IGSF21: variants seen among roughly 807,000 people sequenced by gnomAD.
IGSF21 encodes immunoglobulin superfamily member 21.
Under a neutral mutation model 46.8 loss-of-function variants are expected in IGSF21, and 28 were observed. That is an observed-to-expected ratio of 0.60 (90% CI 0.44 to 0.82). The LOEUF is 0.82. Among genes scored for constraint, IGSF21 ranks in the 40% least tolerant of loss-of-function variants. The pLI is 0.00. For missense variants in IGSF21, 624 were observed against 665.5 expected, an observed-to-expected ratio of 0.94 and a Z score of 0.69; for synonymous variants, 284 against 273.6, an observed-to-expected ratio of 1.04 and a Z score of -0.38.
intron 6 of IGSF21, among the ~76,000 whole-genome samples, chr1:18,366,518 C>T (rs12070009): frequency 0.022 from 3,309 of 152,122 alleles, 109 homozygotes; most frequent in African/African-American, 0.074. Context: ...GCATATGAGC[C>T]CAGTGAGCTC....
intron 6 of IGSF21, among the ~76,000 whole-genome samples, chr1:18,366,253 C>G (rs1414103679): frequency 2.0e-5 from 3 of 151,988 alleles, no homozygotes; most frequent in Non-Finnish European, 4.4e-5. Flanking sequence ...AAACTGGAAC[C>G]AGGATGTTTG....
At chr1:18,126,813 C>T (rs371879516) in intron 1 of IGSF21, among the ~76,000 whole-genome samples, 26 of 152,230 alleles carry the variant, frequency 1.7e-4, no homozygotes, top group East Asian at 7.7e-4. Flanking sequence ...TCCCCCCACA[C>T]CCCCTCCAGA....
At chr1:18,154,542 G>A (rs1207935488) in intron 1 of IGSF21, among the ~76,000 whole-genome samples, 3 of 151,758 alleles carry the variant, frequency 2.0e-5, no homozygotes, top group African/African-American at 7.3e-5. Flanking sequence ...GTCCCCAGCT[G>A]CAATGGATCT....
At chr1:18,192,297 G>A (rs1312762771) in intron 1 of IGSF21, among the ~76,000 whole-genome samples, 1 of 152,218 alleles carries the variant, frequency 6.6e-6, no homozygotes, top group Non-Finnish European at 1.5e-5. Context: ...CATGAACACG[G>A]CTCTGGGCCG....
chr1:18,349,442 T>C (rs2085927735), intron 4 of IGSF21, among the ~76,000 whole-genome samples: 2 of 151,946 alleles, frequency 1.3e-5, no homozygotes, highest in African/African-American at 4.8e-5. Flanking sequence ...GAAGGCTTCA[T>C]GGAGGAGGTG....
At chr1:18,151,378 T>C (rs1048394147) in intron 1 of IGSF21, among the ~76,000 whole-genome samples, 1 of 152,246 alleles carries the variant, frequency 6.6e-6, no homozygotes, top group Non-Finnish European at 1.5e-5. Flanking sequence ...CTCTTTCATT[T>C]TGTGCCTCTG....
intron 3 of IGSF21, among the ~76,000 whole-genome samples, chr1:18,303,942 TAG>T (rs2085386551): frequency 6.6e-6 from 1 of 152,206 alleles, no homozygotes; most frequent in African/African-American, 2.4e-5. Flanking sequence ...ATTGTATTCT[TAG>T]AGTGATGAGG....
intron 2 of IGSF21, among the ~76,000 whole-genome samples, chr1:18,243,333 A>T (rs1440471817): frequency 6.6e-6 from 1 of 152,016 alleles, no homozygotes; most frequent in Non-Finnish European, 1.5e-5. Context: ...GAAGCGAAAA[A>T]TCTAGGGCGT....
At chr1:18,183,804 G>A (rs1024767419) in intron 1 of IGSF21, among the ~76,000 whole-genome samples, 2 of 152,124 alleles carry the variant, frequency 1.3e-5, no homozygotes, top group Non-Finnish European at 1.5e-5. Context: ...GTGGCGGGTG[G>A]TGCGGGGGGA....
intron 1 of IGSF21, among the ~76,000 whole-genome samples, chr1:18,186,229 TA>T (rs2086902022): frequency 6.6e-6 from 1 of 152,134 alleles, no homozygotes; most frequent in African/African-American, 2.4e-5. Flanking sequence ...GCAAAGCTCT[TA>T]GGGGGTTGAG....
chr1:18,229,887 C>T (rs1363087494), intron 2 of IGSF21, among the ~76,000 whole-genome samples: 1 of 152,232 alleles, frequency 6.6e-6, no homozygotes, highest in African/African-American at 2.4e-5. Context: ...ATCTCTCCCT[C>T]AGCCATCCCA....
chr1:18,221,563 T>C (rs536175638), intron 1 of IGSF21, among the ~76,000 whole-genome samples: 1 of 152,194 alleles, frequency 6.6e-6, no homozygotes, highest in Non-Finnish European at 1.5e-5. Flanking sequence ...ATTAGAAGGG[T>C]GCCAGGTTCC....
intron 1 of IGSF21, among the ~76,000 whole-genome samples, chr1:18,120,819 G>A (rs1025467435): frequency 5.3e-5 from 8 of 152,122 alleles, no homozygotes; most frequent in East Asian, 3.9e-4. Context: ...CTTGCAAAGC[G>A]GAAGCACTAG....
rs141783201 is a variant in IGSF21, at chr1:18,365,645, C to A, written c.963C>A (p.Cys321Ter). 1.2e-6 allele frequency: 2 copies of A among 1,614,170 alleles called. No homozygotes were observed. The highest frequency in any genetic ancestry group is 1.7e-6 in the Non-Finnish European group (2 of 1,180,022). Reference protein sequence around the residue: ...PQIDNEALFSCEVKHPALSMP... With the variant: ...PQIDNEALFS ...TCGACAACGAGGCCCTCTTCAGCTG[C>A]GAGGTCAAGCACCCAGCTCTGTCGA... Residue 321 changes from cysteine (C) to a stop codon, truncating the protein, a stop_gained, in exon 6 of 10, where the codon TGC becomes TGA. Coordinates refer to ENST00000251296, the MANE Select transcript of IGSF21 (RefSeq NM_032880.5). LOFTEE classifies it high-confidence loss of function. This position sits in a 1 kb window ranked among gnomAD's most constrained non-coding sequence, Gnocchi z 4.8.
chr1:18,161,721 C>T (rs2086625089), intron 1 of IGSF21, among the ~76,000 whole-genome samples: 1 of 152,136 alleles, frequency 6.6e-6, no homozygotes, highest in African/African-American at 2.4e-5. Context: ...AGATGTGCTC[C>T]CAACTTACAC....
At chr1:18,186,820 C>T (rs887589785) in intron 1 of IGSF21, among the ~76,000 whole-genome samples, 1 of 152,158 alleles carries the variant, frequency 6.6e-6, no homozygotes, top group African/African-American at 2.4e-5. Flanking sequence ...GATCTCCCTG[C>T]CCTCACCTAA....
chr1:18,229,710 G>C (rs1461286960), intron 2 of IGSF21, among the ~76,000 whole-genome samples: 1 of 152,210 alleles, frequency 6.6e-6, no homozygotes, highest in Non-Finnish European at 1.5e-5. Context: ...AGTGGGCCTA[G>C]AGAAAGTCAA....
At chr1:18,192,885 C>T (rs191473030) in intron 1 of IGSF21, among the ~76,000 whole-genome samples, 16 of 152,090 alleles carry the variant, frequency 1.1e-4, no homozygotes, top group Non-Finnish European at 2.2e-4. Context: ...CGATTCAATT[C>T]GTTTATTCGA....
At position 18,365,770 on chromosome 1, in the gene IGSF21, C is replaced by T. The variant is rs538154456; in HGVS notation, c.1015+73C>T. 5.4e-4 allele frequency: 706 copies of T among 1,306,336 alleles called. 1 individual carries two copies. The highest frequency in any genetic ancestry group is 1.4e-3 in the Admixed American group (65 of 44,858). 80.9% of individuals were successfully genotyped at this position (1,306,336 alleles called of 1,614,324 possible). On this transcript the variant is annotated intron_variant, in intron 6 of 9. Transcript: ENST00000251296. The surrounding 1 kb of genome is among the most constrained non-coding windows in gnomAD (Gnocchi z 4.8). ...GTGGGGAGAGCCTTGGAATAGGGTT[C>T]CTGGGCTGAGGACAGCCATGGAAAG...
Sources: allele counts gnomAD v4.1 joint callset (sites outside exome capture counted in the v4.1 genomes callset), GRCh38; gene constraint gnomAD v4.1.1; non-coding constraint Gnocchi (gnomAD v3.1); transcripts MANE v1.5; gene names NCBI Gene and HGNC (gene_info 2026-07-23, HGNC 2026-07-21).